Variants in RAB4A observed in about 807,000 individuals in gnomAD.
RAB4A encodes RAB4A, member RAS oncogene family.
RAB4A carries 20 observed loss-of-function variants against 34.5 expected under a neutral mutation model. That is an observed-to-expected ratio of 0.58 (90% CI 0.41 to 0.84). The LOEUF (loss-of-function observed/expected upper bound fraction) is 0.84. RAB4A is among the 40% of genes least tolerant of loss of function. RAB4A has a pLI of 0.00. For synonymous variants in RAB4A, 102 were observed against 100.0 expected (o/e 1.02, Z -0.12); for missense variants, 228 against 274.5 (o/e 0.83, Z 1.20).
rs768525019 is a variant in RAB4A, at chr1:229,305,311, A to G, written c.*1518A>G. 1.1e-5 allele frequency: 18 copies of G among 1,580,890 alleles called. No homozygotes were observed. Among genetic ancestry groups the G allele is most frequent in the South Asian group, 2.4e-5 (2 of 82,940 alleles). Reference sequence around the variant, plus strand: ...ATGTCTCATTTATGATAGATTTGCAAGCTGCTCATTTTTGAACAGCTTTTT... The same window carrying G: ...ATGTCTCATTTATGATAGATTTGCAGGCTGCTCATTTTTGAACAGCTTTTT... On this transcript the variant is annotated 3_prime_UTR_variant, in exon 8 of 8. Transcript: ENST00000366690.
chr1:229,277,814 A>G (rs918360138), intron 1 of RAB4A, among the ~76,000 whole-genome samples: 1 of 150,524 alleles, frequency 6.6e-6, no homozygotes, highest in Non-Finnish European at 1.5e-5. Context: ...GACCACTCCA[A>G]CTCCATCCAG....
chr1:229,283,037 T>C (rs1365705718), intron 1 of RAB4A, among the ~76,000 whole-genome samples: 1 of 152,232 alleles, frequency 6.6e-6, no homozygotes, highest in African/African-American at 2.4e-5. Flanking sequence ...TATATTATGT[T>C]ATAGGACCTT....
intron 1 of RAB4A, among the ~76,000 whole-genome samples, chr1:229,284,021 G>T (rs1558236429): frequency 1.3e-5 from 2 of 151,014 alleles, no homozygotes; most frequent in Non-Finnish European, 1.5e-5. Context: ...ACAGGCATGA[G>T]CCACTGCGCC....
intron 1 of RAB4A, among the ~76,000 whole-genome samples, chr1:229,277,746 C>T (rs755160262): frequency 3.3e-5 from 5 of 151,294 alleles, no homozygotes; most frequent in Non-Finnish European, 7.4e-5. Flanking sequence ...TCTTCTACCA[C>T]CTCTTCAGGT....
rs1224205012 is a variant in RAB4A at position 229,302,282 on chromosome 1, TATATATATATATATATA to T, written c.542-579_542-563del. On this transcript the variant is annotated intron_variant, in intron 6 of 7. Coordinates refer to ENST00000366690, the MANE Select transcript of RAB4A (RefSeq NM_004578.4). ...TTATATATATATATATATATATATATATATATATATATATATATATATATATATTTTTTTTTTTTTTT... is the reference window on the plus strand; with the variant it reads ...TTATATATATATATATATATATATATTATATATATATTTTTTTTTTTTTTT... 1.6e-3 allele frequency among the ~76,000 whole-genome samples: 31 copies of T among 19,366 alleles called. 1 individual carries two copies. Among genetic ancestry groups the T allele is most frequent in the Non-Finnish European group, 2.2e-3 (23 of 10,378 alleles). 12.7% of individuals were successfully genotyped at this position (19,366 alleles called of 152,430 possible).
intron 3 of RAB4A, among the ~76,000 whole-genome samples, chr1:229,291,938 A>G (rs1431305181): frequency 3.9e-5 from 6 of 151,960 alleles, no homozygotes; most frequent in African/African-American, 9.7e-5. Flanking sequence ...GAAATTGGAA[A>G]TCATCATTCT....
intron 1 of RAB4A, among the ~76,000 whole-genome samples, chr1:229,284,581 G>A (rs909502287): frequency 2.6e-5 from 4 of 151,998 alleles, no homozygotes; most frequent in African/African-American, 9.7e-5. Context: ...CGTTGCTTTC[G>A]GACCTTTGGA....
At chr1:229,283,305 T>C (rs1335591566) in intron 1 of RAB4A, among the ~76,000 whole-genome samples, 1 of 152,216 alleles carries the variant, frequency 6.6e-6, no homozygotes, top group Admixed American at 6.5e-5. Flanking sequence ...AAGCCCTAGC[T>C]CCCTACTTGG....
At position 229,305,207 on chromosome 1, in the gene RAB4A, ATTT is replaced by A; in HGVS notation, c.*1416_*1418del. Reference sequence around the variant, plus strand: ...GTTTTGCTTTTTTTATGCCTTGAATATTTTATTTCAAAAAGTATCTGAAGCAAA... The same window carrying A: ...GTTTTGCTTTTTTTATGCCTTGAATATATTTCAAAAAGTATCTGAAGCAAA... On this transcript the variant is annotated 3_prime_UTR_variant, in exon 8 of 8. Transcript: ENST00000366690. 6.2e-7 allele frequency: 1 copy of A among 1,609,410 alleles called. No individual in the cohort carries two copies.
chr1:229,299,341 G>A (rs1657323668), intron 6 of RAB4A, among the ~76,000 whole-genome samples: 1 of 152,210 alleles, frequency 6.6e-6, no homozygotes, highest in African/African-American at 2.4e-5. Flanking sequence ...GGGAGTGTTT[G>A]CATTTAGAAC....
At chr1:229,295,550 C>G (rs1329749863) in intron 3 of RAB4A, among the ~76,000 whole-genome samples, 12 of 152,138 alleles carry the variant, frequency 7.9e-5, no homozygotes, top group Admixed American at 5.2e-4. Context: ...TAGTGTCCAT[C>G]TAGGGGGTGG....
chr1:229,275,614 CTTTT>C (rs1028884521), intron 1 of RAB4A, among the ~76,000 whole-genome samples: 1,969 of 131,008 alleles, frequency 0.015, 38 homozygotes, highest in African/African-American at 0.052. Context: ...ATTTCTTTTC[CTTTT>C]TTTTTTTTTT....
intron 3 of RAB4A, among the ~76,000 whole-genome samples, chr1:229,292,237 GA>G (rs776815426): frequency 5.5e-4 from 68 of 123,424 alleles, no homozygotes; most frequent in South Asian, 2.4e-3. Flanking sequence ...TAAATAAAAG[GA>G]AAAAAAAAAG....
rs948913049 is a variant in RAB4A at position 229,304,301 on chromosome 1, C to T, written c.*508C>T. 28 of 151,938 alleles carry T rather than the reference C, an allele frequency of 1.8e-4. No homozygotes were observed. Among genetic ancestry groups the T allele is most frequent in the African/African-American group, 5.3e-4 (22 of 41,348 alleles). 9.4% of individuals were successfully genotyped at this position (151,938 alleles called of 1,614,324 possible). Reference sequence around the variant, plus strand: ...GCCAGTGTGTTTTCTTATTTAACTCCGTTTACTACATTCTACATGGTGTTT... The same window carrying T: ...GCCAGTGTGTTTTCTTATTTAACTCTGTTTACTACATTCTACATGGTGTTT... On this transcript the variant is annotated 3_prime_UTR_variant, in exon 8 of 8. Transcript: ENST00000366690.
At chr1:229,292,070 G>T (rs927627092) in intron 3 of RAB4A, among the ~76,000 whole-genome samples, 13 of 115,410 alleles carry the variant, frequency 1.1e-4, no homozygotes, top group Non-Finnish European at 1.9e-4. Flanking sequence ...ACTGTTGTGG[G>T]GTGGGGGGAG....
chr1:229,287,934 A>G (rs1656969119), intron 2 of RAB4A, among the ~76,000 whole-genome samples: 1 of 152,258 alleles, frequency 6.6e-6, no homozygotes, highest in African/African-American at 2.4e-5. Context: ...TCTGTTTATC[A>G]TCACAGAAAT....
intron 1 of RAB4A, among the ~76,000 whole-genome samples, chr1:229,285,440 G>A (rs1012419535): frequency 9.9e-5 from 15 of 152,156 alleles, no homozygotes; most frequent in African/African-American, 2.7e-4. Flanking sequence ...CTTAAGAAAC[G>A]TGACAGAGCT....
intron 3 of RAB4A, among the ~76,000 whole-genome samples, chr1:229,290,915 G>A (rs2102847154): frequency 6.6e-6 from 1 of 152,272 alleles, no homozygotes; most frequent in South Asian, 2.1e-4. Context: ...TTCACTGAAG[G>A]AATGAGATTC....
intron 2 of RAB4A, 81 bp downstream of exon 2, chr1:229,286,647 A>G: frequency 1.2e-6 from 1 of 835,410 alleles, no homozygotes; most frequent in Non-Finnish European, 1.8e-6. Flanking sequence ...AGTAAACTTA[A>G]TTTTTTCAGA....
Sources: gnomAD v4.1 joint callset for allele counts (sites outside exome capture counted in the v4.1 genomes callset) on GRCh38, gnomAD v4.1.1 for gene constraint, MANE v1.5 for transcripts, NCBI Gene and HGNC (gene_info 2026-07-23, HGNC 2026-07-21) for gene names.